IQSEC3: variants seen among roughly 807,000 people sequenced by gnomAD.
The protein encoded by IQSEC3 is IQ motif and Sec7 domain ArfGEF 3, also known as IQ motif and SEC7 domain-containing protein 3.
Under a neutral mutation model 105.4 loss-of-function variants are expected in IQSEC3, and 50 were observed. That is an observed-to-expected ratio of 0.47 (90% CI 0.38 to 0.60). The LOEUF (loss-of-function observed/expected upper bound fraction) is 0.60. IQSEC3 is among the 20% of genes least tolerant of loss of function. The pLI is 0.00. For synonymous variants in IQSEC3, 708 were observed against 746.0 expected, an observed-to-expected ratio of 0.95 and a Z score of 0.83; for missense variants, 1,415 against 1,630.0, an observed-to-expected ratio of 0.87 and a Z score of 2.27.
intron 3 of IQSEC3, among the ~76,000 whole-genome samples, chr12:129,299 C>A (rs1865515132): frequency 6.6e-6 from 1 of 152,212 alleles, no homozygotes; most frequent in South Asian, 2.1e-4. Flanking sequence ...CCTGTCCTTG[C>A]CCATCTTTGC....
rs1939287230 is a variant in IQSEC3, at chr12:177,963, G to A, written c.*2930G>A. 6.6e-6 allele frequency: 1 copy of A among 152,280 alleles called. No individual in the cohort carries two copies. Among genetic ancestry groups the A allele is most frequent in the African/African-American group, 2.4e-5 (1 of 41,414 alleles). 9.4% of individuals were successfully genotyped at this position (152,280 alleles called of 1,614,324 possible). A position where few individuals can be genotyped will look rare whatever the true frequency, so the allele number is the denominator to read the frequency against. ...CTCTATCCACTCTCTAGACCTTTGG[G>A]AAATCTGGGTCCCTCTCCTGATTTG... is the stretch of plus-strand genomic sequence containing the variant. On this transcript the variant is annotated 3_prime_UTR_variant, in exon 14 of 14. Transcript: ENST00000538872. The surrounding 1 kb of genome is among the most constrained non-coding windows in gnomAD (Gnocchi z 5.3).
At chr12:174,154 G>A (rs1205067161) in intron 13 of IQSEC3, among the ~76,000 whole-genome samples, 1 of 152,166 alleles carries the variant, frequency 6.6e-6, no homozygotes, top group Non-Finnish European at 1.5e-5. Context: ...AGGCTGGAGG[G>A]AACAGAGGGA....
intron 1 of IQSEC3, among the ~76,000 whole-genome samples, chr12:78,486 T>C (rs1272412814): frequency 1.3e-5 from 2 of 149,674 alleles, no homozygotes; most frequent in East Asian, 3.9e-4. Flanking sequence ...CTGTCTTCCT[T>C]GTACCCAAGA....
rs1555087612 is a variant in IQSEC3, at chr12:138,737, C to A, written c.1374C>A (p.Ser458Arg). 1.3e-6 allele frequency: 2 copies of A among 1,511,084 alleles called. No individual in the cohort carries two copies. Among genetic ancestry groups the A allele is most frequent in the East Asian group, 2.5e-5 (1 of 40,552 alleles). 93.6% of individuals were successfully genotyped at this position (1,511,084 alleles called of 1,614,324 possible). The change falls in exon 4 of 14, where the codon AGC becomes AGA. Residue 458 changes from serine (S) to arginine (R), a missense_variant. Around this residue, in one of 6 missense-constraint regions of IQSEC3, gnomAD observed 720 missense variants for 633.0 expected, o/e 1.14. Transcript: ENST00000538872. This position sits in a 1 kb window ranked among gnomAD's most constrained non-coding sequence, Gnocchi z 7.1. ...GLEAEGRAPESAGPGPGDDAA... is the reference protein window; with the variant it reads ...GLEAEGRAPERAGPGPGDDAA... ...AGGCCGAGGGGCGGGCGCCGGAGAG[C>A]GCGGGCCCCGGGCCCGGGGATGACG...
intron 11 of IQSEC3, chr12:166,185 G>C: frequency 2.5e-6 from 1 of 392,182 alleles, no homozygotes; most frequent in Non-Finnish European, 4.6e-6. Context: ...TTACCAGGAT[G>C]ACCAAGCGAG....
intron 5 of IQSEC3, chr12:142,483 T>A (rs1555089576): frequency 6.6e-6 from 1 of 152,054 alleles, no homozygotes; most frequent in African/African-American, 2.4e-5. Context: ...TCTGACTGAG[T>A]TCAATGAGTG....
intron 2 of IQSEC3, among the ~76,000 whole-genome samples, chr12:107,039 CT>C (rs1180016111): frequency 6.6e-6 from 1 of 152,254 alleles, no homozygotes; most frequent in Non-Finnish European, 1.5e-5. Context: ...TTAGAGATTT[CT>C]TTTATTATGA....
intron 2 of IQSEC3, among the ~76,000 whole-genome samples, chr12:105,081 G>C (rs918117456): frequency 6.6e-6 from 1 of 152,238 alleles, no homozygotes; most frequent in Non-Finnish European, 1.5e-5. Flanking sequence ...CCTAGAAAAG[G>C]GCAGAAAAGC....
chr12:110,555 C>T (rs890284077), intron 2 of IQSEC3, among the ~76,000 whole-genome samples: 6 of 152,098 alleles, frequency 3.9e-5, no homozygotes, highest in Admixed American at 3.9e-4. Flanking sequence ...CTGGGATTTG[C>T]ATTTGGGAAT....
At chr12:73,635 A>C (rs1279031181) in intron 1 of IQSEC3, among the ~76,000 whole-genome samples, 1 of 152,182 alleles carries the variant, frequency 6.6e-6, no homozygotes. Context: ...GCGCCACTGC[A>C]CTCCAGTCTG....
At chr12:77,016 T>C (rs1863559387) in intron 1 of IQSEC3, among the ~76,000 whole-genome samples, 1 of 152,278 alleles carries the variant, frequency 6.6e-6, no homozygotes, top group East Asian at 1.9e-4. Context: ...TTTCATTCAA[T>C]GCATCAAATC....
At chr12:133,698 A>G (rs1865667920) in intron 3 of IQSEC3, among the ~76,000 whole-genome samples, 1 of 151,416 alleles carries the variant, frequency 6.6e-6, no homozygotes, top group Non-Finnish European at 1.5e-5. Flanking sequence ...GGGTTGGGTC[A>G]GTATCTGGCA....
At chr12:70,612 G>A (rs1863276328) in intron 1 of IQSEC3, among the ~76,000 whole-genome samples, 2 of 152,232 alleles carry the variant, frequency 1.3e-5, no homozygotes, top group African/African-American at 2.4e-5. Context: ...TTCCTGGCTG[G>A]TGCCAGAACC....
chr12:69,173 CT>C (rs1436256822), intron 1 of IQSEC3, among the ~76,000 whole-genome samples: 1 of 152,270 alleles, frequency 6.6e-6, no homozygotes, highest in Non-Finnish European at 1.5e-5. Context: ...CTCCTCATGA[CT>C]TTTGGTGTCT....
chr12:144,232 G>T (rs1565432462), intron 5 of IQSEC3: 1 of 152,154 alleles, frequency 6.6e-6, no homozygotes, highest in Non-Finnish European at 1.5e-5. Flanking sequence ...GGGGAGGGGG[G>T]CGCTGGAGTC....
At chr12:124,769 T>C (rs955160155) in intron 2 of IQSEC3, among the ~76,000 whole-genome samples, 6 of 152,134 alleles carry the variant, frequency 3.9e-5, no homozygotes, top group African/African-American at 7.2e-5. Context: ...GGGGCAGAAC[T>C]TGGAGGCTAG....
intron 1 of IQSEC3, among the ~76,000 whole-genome samples, chr12:82,916 A>G (rs1863792680): frequency 6.6e-6 from 1 of 152,224 alleles, no homozygotes. Flanking sequence ...CAGCCTCAGC[A>G]CTGGAGACTG....
At chr12:125,227 C>T (rs552158511) in intron 2 of IQSEC3, among the ~76,000 whole-genome samples, 1 of 152,316 alleles carries the variant, frequency 6.6e-6, no homozygotes, top group South Asian at 2.1e-4. Context: ...ACTTCAGCCG[C>T]CAGTATCCCT....
chr12:100,494 C>T (rs1329172665), intron 2 of IQSEC3, among the ~76,000 whole-genome samples: 1 of 152,188 alleles, frequency 6.6e-6, no homozygotes, highest in African/African-American at 2.4e-5. Flanking sequence ...AAAGGCATTG[C>T]TGTTCATTTT....
Sources: allele counts gnomAD v4.1 joint callset (sites outside exome capture counted in the v4.1 genomes callset), GRCh38; gene constraint gnomAD v4.1.1; regional missense constraint gnomAD v4.1.1; non-coding constraint Gnocchi (gnomAD v3.1); transcripts MANE v1.5; gene names NCBI Gene and HGNC (gene_info 2026-07-23, HGNC 2026-07-21).